SMOC2: variants seen among roughly 807,000 people sequenced by gnomAD.
SMOC2 encodes the protein SPARC-related modular calcium-binding protein 2.
SMOC2 carries 39 observed loss-of-function variants against 61.4 expected under a neutral mutation model. That is an observed-to-expected ratio of 0.64 (90% CI 0.49 to 0.83). SMOC2 has a LOEUF of 0.83. SMOC2 is among the 40% of genes least tolerant of loss of function. The probability of loss-of-function intolerance (pLI) is 0.00; values close to 1 mark genes in which losing one functional copy is unlikely to be tolerated. For synonymous variants in SMOC2, 247 were observed against 239.9 expected (o/e 1.03, Z -0.27); for missense variants, 556 against 592.9 (o/e 0.94, Z 0.65).
intron 7 of SMOC2, among the ~76,000 whole-genome samples, chr6:168,579,714 C>T (rs1482639506): frequency 6.6e-6 from 1 of 152,118 alleles, no homozygotes; most frequent in East Asian, 1.9e-4. Context: ...GGAGATACTC[C>T]CTGTGGCCTT....
intron 4 of SMOC2, among the ~76,000 whole-genome samples, chr6:168,533,151 C>G (rs901633966): frequency 1.3e-5 from 2 of 152,100 alleles, no homozygotes; most frequent in African/African-American, 4.8e-5. Flanking sequence ...GAATTTCCTC[C>G]CTGCTCTAGG....
rs2277088 is a variant in SMOC2 at position 168,546,858 on chromosome 6, T to C, written c.512-261T>C. Among the ~76,000 whole-genome samples the C allele has an allele frequency of 0.063, 9,635 of 152,258 alleles. 737 individuals are homozygous for C. The highest frequency in any genetic ancestry group is 0.33 in the East Asian group (1,685 of 5,146). On this transcript the variant is annotated intron_variant, in intron 5 of 12. Transcript: ENST00000356284. ...TATGGCCTGTGATTGGCTCTGATAG[T>C]TTAGAACTGATCGGATATTTTCCAC...
At chr6:168,518,943 ATG>A (rs557738013) in intron 2 of SMOC2, among the ~76,000 whole-genome samples, 78 of 138,738 alleles carry the variant, frequency 5.6e-4, no homozygotes, top group South Asian at 1.9e-3. Context: ...ATATGCTTGC[ATG>A]TGTGTTAGTG....
intron 7 of SMOC2, among the ~76,000 whole-genome samples, chr6:168,584,865 C>T (rs570927947): frequency 2.3e-4 from 35 of 152,326 alleles, no homozygotes; most frequent in African/African-American, 8.2e-4. Flanking sequence ...TGGAAGTAGA[C>T]AGCACATCCA....
chr6:168,563,812 A>G (rs1488009860), intron 7 of SMOC2, among the ~76,000 whole-genome samples: 2 of 152,102 alleles, frequency 1.3e-5, no homozygotes, highest in Non-Finnish European at 2.9e-5. Context: ...TAAGCCACGG[A>G]GCACAGCAGC....
chr6:168,464,265 C>CGGAA (rs1051829077), intron 1 of SMOC2, among the ~76,000 whole-genome samples: 1 of 148,426 alleles, frequency 6.7e-6, no homozygotes, highest in African/African-American at 2.5e-5. Flanking sequence ...GAAGGACGGA[C>CGGAA]GGAAGGAAGG....
intron 1 of SMOC2, among the ~76,000 whole-genome samples, chr6:168,495,259 G>T (rs924581525): frequency 6.6e-6 from 1 of 151,906 alleles, no homozygotes; most frequent in Non-Finnish European, 1.5e-5. Flanking sequence ...CCAGGTGTAG[G>T]TCCCTCTGCG....
intron 7 of SMOC2, among the ~76,000 whole-genome samples, chr6:168,560,518 G>GTGTTCT (rs1562348212): frequency 1.4e-5 from 2 of 145,482 alleles, no homozygotes; most frequent in Non-Finnish European, 3.1e-5. Flanking sequence ...GGCTCTCACT[G>GTGTTCT]CGTTCTTGGA....
At chr6:168,495,347 A>G (rs1048008333) in intron 1 of SMOC2, among the ~76,000 whole-genome samples, 2 of 152,300 alleles carry the variant, frequency 1.3e-5, no homozygotes, top group African/African-American at 4.8e-5. Context: ...TCTCTCAGCC[A>G]CTGGCTGACG....
intron 4 of SMOC2, 80 bp from the exon 5 acceptor site, chr6:168,543,545 A>C (rs1783920456): frequency 7.7e-7 from 1 of 1,304,518 alleles, no homozygotes; most frequent in East Asian, 2.4e-5. Flanking sequence ...ATGGAGCAAA[A>C]ATATGTGCAT....
At chr6:168,523,571 T>C (rs1783384241) in intron 2 of SMOC2, among the ~76,000 whole-genome samples, 1 of 150,712 alleles carries the variant, frequency 6.6e-6, no homozygotes, top group African/African-American at 2.4e-5. Context: ...TTTTTATTAT[T>C]TTTATTTTTA....
chr6:168,480,731 C>G (rs1249974902), intron 1 of SMOC2, among the ~76,000 whole-genome samples: 1 of 151,928 alleles, frequency 6.6e-6, no homozygotes, highest in South Asian at 2.1e-4. Context: ...TATAAAGATC[C>G]AAGAAGCTCA....
rs114684614 is a variant in SMOC2, at chr6:168,624,371, G to A, written c.907+16132G>A. Among the ~76,000 whole-genome samples the A allele has an allele frequency of 5.3e-3, 812 of 152,348 alleles. 13 individuals are homozygous for A. Among genetic ancestry groups the A allele is most frequent in the African/African-American group, 0.018 (759 of 41,578 alleles). On this transcript the variant is annotated intron_variant, in intron 9 of 12. Transcript: ENST00000356284. ...GCACATATGTAGACGAAGCTCGCTA[G>A]AGAAACATTCTGTACAATAAAGTAC...
chr6:168,560,555 C>T (rs186703059), intron 7 of SMOC2, among the ~76,000 whole-genome samples: 2,566 of 132,666 alleles, frequency 0.019, 138 homozygotes, highest in Middle Eastern at 0.034. Flanking sequence ...TGCCCTGAGA[C>T]ACGAGGCTCT....
At chr6:168,559,671 C>T (rs1784349521) in intron 7 of SMOC2, among the ~76,000 whole-genome samples, 1 of 152,038 alleles carries the variant, frequency 6.6e-6, no homozygotes, top group Non-Finnish European at 1.5e-5. Context: ...ATCTGCCAGC[C>T]AAGGTGCACC....
At chr6:168,607,738 C>T (rs890758858) in intron 8 of SMOC2, among the ~76,000 whole-genome samples, 1 of 152,184 alleles carries the variant, frequency 6.6e-6, no homozygotes, top group African/African-American at 2.4e-5. Flanking sequence ...CCTCTGTCCT[C>T]GTGCACACAC....
chr6:168,494,306 C>G (rs1275861480), intron 1 of SMOC2, among the ~76,000 whole-genome samples: 1 of 152,178 alleles, frequency 6.6e-6, no homozygotes, highest in Admixed American at 6.5e-5. Context: ...AGTGGTAGGG[C>G]AGGCATGTGA....
rs1232472390 is a variant in SMOC2 at position 168,546,064 on chromosome 6, A to AT, written c.512-1048dup. Among the ~76,000 whole-genome samples, 7 of 149,508 alleles carry AT rather than the reference A, an allele frequency of 4.7e-5. No homozygotes were observed. The East Asian group carries it at 1.2e-3, about 25-fold the overall frequency. ...TTTTTGAGAGATTGCTCAATGTTAA[A>AT]TTTTTTTGAAAATCTGTTTTGATTT... On this transcript the variant is annotated intron_variant, in intron 5 of 12. Coordinates refer to ENST00000356284, the MANE Select transcript of SMOC2 (RefSeq NM_001166412.2).
At position 168,510,090 on chromosome 6, in the gene SMOC2, A is replaced by C; in HGVS notation, c.256+4A>C. ...GCATATCGAGGAAACTGCAAAGGTA[A>C]GCTGCTGTTTGATCATTCATCCAAA... On this transcript the variant is annotated splice_donor_region_variant and intron_variant, in intron 2 of 12. Transcript: ENST00000356284. The C allele has an allele frequency of 6.2e-7, 1 of 1,612,314 alleles. No homozygotes were observed. Among genetic ancestry groups the C allele is most frequent in the South Asian group, 1.1e-5 (1 of 91,036 alleles).
Sources: allele counts gnomAD v4.1 joint callset (sites outside exome capture counted in the v4.1 genomes callset), GRCh38; gene constraint gnomAD v4.1.1; transcripts MANE v1.5; gene names NCBI Gene and HGNC (gene_info 2026-07-23, HGNC 2026-07-21).